The following TF variants were observed in gnomAD, a reference collection of about 807,000 sequenced individuals.
TF encodes transferrin.
TF carries 55 observed loss-of-function variants against 82.4 expected under a neutral mutation model. The ratio of observed to expected loss-of-function variants is 0.67; its 90% CI spans 0.54 to 0.84. The LOEUF (loss-of-function observed/expected upper bound fraction) is 0.84, where lower values mean the gene tolerates loss of function less well. Ranked by LOEUF, TF falls within the 40% of genes least tolerant of loss-of-function variation. The probability of loss-of-function intolerance (pLI) is 0.00; values close to 1 mark genes in which losing one functional copy is unlikely to be tolerated. For missense variants in TF, 737 were observed against 868.4 expected, an observed-to-expected ratio of 0.85 and a Z score of 1.90; for synonymous variants, 332 against 332.6, an observed-to-expected ratio of 1.00 and a Z score of 0.02.
At chr3:133,669,793 A>G in the TF span, among the ~76,000 whole-genome samples, 4 of 152,240 alleles carry the variant, frequency 2.6e-5, no homozygotes, top group East Asian at 5.8e-4. Context: ...TAAGAGGTCA[A>G]CTCCTATTGT....
At chr3:133,695,042 C>A in the TF span, among the ~76,000 whole-genome samples, 1 of 151,968 alleles carries the variant, frequency 6.6e-6, no homozygotes, top group Admixed American at 6.6e-5. Context: ...CTGTGGGGTT[C>A]AAAGGCCCTT....
At chr3:133,753,746 T>G (rs1294764811) in intron 3 of TF, 43 bp downstream of exon 3, 1 of 1,477,964 alleles carries the variant, frequency 6.8e-7, no homozygotes, top group South Asian at 1.1e-5. Context: ...GTCATCCTTA[T>G]TCTATATGCT....
chr3:133,713,017 T>TTAGGGCACC, the TF span, among the ~76,000 whole-genome samples: 1 of 152,180 alleles, frequency 6.6e-6, no homozygotes, highest in Non-Finnish European at 1.5e-5. Flanking sequence ...TTAGGGCACC[T>TTAGGGCACC]TAGGGCACCT....
At chr3:133,665,957 AC>A in the TF span, among the ~76,000 whole-genome samples, 1 of 147,496 alleles carries the variant, frequency 6.8e-6, no homozygotes, top group Non-Finnish European at 1.5e-5. Flanking sequence ...AAAAAAAAGA[AC>A]GGGAAAGAAA....
chr3:133,702,619 G>A, the TF span, among the ~76,000 whole-genome samples: 11 of 151,630 alleles, frequency 7.3e-5, no homozygotes, highest in East Asian at 2.0e-3. Flanking sequence ...TGATCTCTGA[G>A]TGACGAAGTT....
At chr3:133,708,348 T>C in the TF span, among the ~76,000 whole-genome samples, 82,979 of 151,936 alleles carry the variant, frequency 0.55, 22,773 homozygotes, top group Admixed American at 0.58. Context: ...AAAGAGAAAA[T>C]AATACATAGC....
chr3:133,696,424 C>T, the TF span, among the ~76,000 whole-genome samples: 7 of 152,090 alleles, frequency 4.6e-5, no homozygotes, highest in Non-Finnish European at 5.9e-5. Flanking sequence ...TGGTACTATC[C>T]GTGATTTCCG....
the TF span, among the ~76,000 whole-genome samples, chr3:133,665,335 C>T: frequency 3.3e-5 from 5 of 151,824 alleles, no homozygotes; most frequent in Admixed American, 6.6e-5. Flanking sequence ...AACGTGGTGG[C>T]GGGCATCTGT....
Position 133,786,331 on chromosome 3 carries a change from T to A in TF, c.*7711T>A, listed in dbSNP as rs564003361. 40 of 152,198 alleles carry A rather than the reference T, an allele frequency of 2.6e-4. 1 individual carries two copies. The highest frequency in any genetic ancestry group is 8.0e-4 in the African/African-American group (33 of 41,500). The allele number at this position is 152,198 out of a possible 1,614,324, so 9.4% of individuals were successfully genotyped here. A position where few individuals can be genotyped will look rare whatever the true frequency, so the allele number is the denominator to read the frequency against. ...ATAGTAAAATAACACATTTTGTAAA[T>A]CTTTTTGTTAAAATTCATATGTAAT... On this transcript the variant is annotated 3_prime_UTR_variant, in exon 17 of 17. Coordinates refer to ENST00000402696, the MANE Select transcript of TF (RefSeq NM_001063.4).
chr3:133,740,984 C>CTT, the TF span, among the ~76,000 whole-genome samples: 61 of 77,742 alleles, frequency 7.8e-4, no homozygotes, highest in Non-Finnish European at 1.2e-3. Context: ...TGATCCAGCT[C>CTT]TATTTTTTTT....
At chr3:133,749,345 G>A (rs1355460700) in intron 2 of TF, among the ~76,000 whole-genome samples, 1 of 152,088 alleles carries the variant, frequency 6.6e-6, no homozygotes, top group African/African-American at 2.4e-5. Context: ...TTCTTTCAAC[G>A]TTGCCCCTGC....
chr3:133,667,318 T>C, the TF span, among the ~76,000 whole-genome samples: 1 of 149,938 alleles, frequency 6.7e-6, no homozygotes, highest in Non-Finnish European at 1.5e-5. Context: ...GATCTCACTA[T>C]TGCACTCTAG....
At chr3:133,702,945 T>A in the TF span, among the ~76,000 whole-genome samples, 1 of 152,168 alleles carries the variant, frequency 6.6e-6, no homozygotes, top group Non-Finnish European at 1.5e-5. Context: ...GGCATATAGT[T>A]AGCAGTAACT....
rs374196181 is a variant in TF at position 133,755,503 on chromosome 3, A to G, written c.635+8A>G. Reference sequence around the variant, plus strand: ...CTACTCGGGAGCCTTCAAGTGAGTGAGATGTCTGCTGCTCCATGGTGGCCA... The same window carrying G: ...CTACTCGGGAGCCTTCAAGTGAGTGGGATGTCTGCTGCTCCATGGTGGCCA... On this transcript the variant is annotated splice_region_variant and intron_variant, in intron 5 of 16. Transcript: ENST00000402696. 8 of 1,613,930 alleles carry G rather than the reference A, an allele frequency of 5.0e-6. No homozygotes were observed. Among genetic ancestry groups the G allele is most frequent in the Non-Finnish European group, 4.2e-6 (5 of 1,179,956 alleles).
chr3:133,686,518 C>A, the TF span, among the ~76,000 whole-genome samples: 1 of 152,066 alleles, frequency 6.6e-6, no homozygotes, highest in Non-Finnish European at 1.5e-5. Flanking sequence ...ATCAAACAAC[C>A]CCATCAAAAT....
intron 7 of TF, 78 bp downstream of exon 7, chr3:133,757,087 T>C: frequency 3.2e-6 from 5 of 1,584,156 alleles, no homozygotes; most frequent in Non-Finnish European, 4.3e-6. Context: ...GGCCATCTTG[T>C]CACTCTGGAA....
At chr3:133,677,847 C>T in the TF span, among the ~76,000 whole-genome samples, 1 of 151,814 alleles carries the variant, frequency 6.6e-6, no homozygotes, top group Non-Finnish European at 1.5e-5. Flanking sequence ...CCATGCCCAG[C>T]TAATTTAAAA....
the TF span, among the ~76,000 whole-genome samples, chr3:133,675,284 A>G: frequency 6.6e-6 from 1 of 151,994 alleles, no homozygotes; most frequent in African/African-American, 2.4e-5. Flanking sequence ...GGGGAAATCA[A>G]AAGAGCAATA....
chr3:133,751,321 C>T (rs569122655), intron 2 of TF, among the ~76,000 whole-genome samples: 3 of 150,070 alleles, frequency 2.0e-5, no homozygotes, highest in Non-Finnish European at 4.4e-5. Context: ...CAAGCTCCGC[C>T]TCCCGGGTTC....
Sources: gnomAD v4.1 joint callset for allele counts (sites outside exome capture counted in the v4.1 genomes callset) on GRCh38, gnomAD v4.1.1 for gene constraint, MANE v1.5 for transcripts, NCBI Gene and HGNC (gene_info 2026-07-23, HGNC 2026-07-21) for gene names.